Variants in DOT1L observed in about 807,000 individuals in gnomAD.
DOT1L encodes histone-lysine N-methyltransferase, H3 lysine-79 specific.
In DOT1L, 33 loss-of-function variants were observed where a neutral mutation model predicts 153.3. That is an observed-to-expected ratio of 0.22 (90% CI 0.16 to 0.29). DOT1L has a LOEUF of 0.29. Among genes scored for constraint, DOT1L ranks in the 10% least tolerant of loss-of-function variants. The pLI is 1.00. For missense variants in DOT1L, 1,847 were observed against 2,119.9 expected (o/e 0.87, Z 2.53); for synonymous variants, 1,135 against 965.1 (o/e 1.18, Z -3.26).
intron 20 of DOT1L, 62 bp from the exon 21 acceptor site, chr19:2,216,893 A>T (rs2023926426): frequency 1.3e-6 from 2 of 1,569,354 alleles, no homozygotes; most frequent in Non-Finnish European, 1.7e-6. Context: ...GTGCTGGGCC[A>T]GGCCGCTGCC....
chr19:2,201,301 GTA>G (rs2144787503), intron 8 of DOT1L, among the ~76,000 whole-genome samples: 1 of 146,686 alleles, frequency 6.8e-6, no homozygotes, highest in East Asian at 2.1e-4. Context: ...CATCCTCCCT[GTA>G]TTCCTCATTC....
intron 1 of DOT1L, among the ~76,000 whole-genome samples, chr19:2,180,147 C>T (rs1276626111): frequency 3.3e-5 from 5 of 152,158 alleles, no homozygotes; most frequent in Admixed American, 2.0e-4. Flanking sequence ...AGGCCGCCCA[C>T]GTGGGCTAGC....
rs1361063148 is a variant in DOT1L at position 2,185,924 on chromosome 19, C to T, written c.195C>T (p.Thr65=). ...MENYVLIDYD[T]KSFESMQRLC... ...ATTACGTTTTAATTGACTATGACAC[C>T]AAAAGGTAAGCAGAGTCCTGTCCAG... Residue 65 remains threonine, a synonymous_variant, in exon 3 of 28, where the codon ACC becomes ACT. Transcript: ENST00000398665. The T allele has an allele frequency of 6.2e-7, 1 of 1,614,022 alleles. No individual in the cohort carries two copies. Among genetic ancestry groups the T allele is most frequent in the Non-Finnish European group, 8.5e-7 (1 of 1,179,958 alleles).
At chr19:2,214,103 C>T in intron 18 of DOT1L, 117 bp downstream of exon 18, 2 of 1,447,882 alleles carry the variant, frequency 1.4e-6, no homozygotes, top group South Asian at 2.7e-5. Flanking sequence ...GGGGTTTGTT[C>T]CCAGACGAAT....
At chr19:2,211,901 C>T in intron 16 of DOT1L, 59 bp downstream of exon 16, 1 of 1,475,874 alleles carries the variant, frequency 6.8e-7, no homozygotes, top group Non-Finnish European at 9.1e-7. Flanking sequence ...CGTTCCTGTT[C>T]CTGGGCATCT....
At chr19:2,181,119 G>T (rs1459926502) in intron 2 of DOT1L, among the ~76,000 whole-genome samples, 1 of 152,188 alleles carries the variant, frequency 6.6e-6, no homozygotes, top group Non-Finnish European at 1.5e-5. Flanking sequence ...GAGCATTCTG[G>T]GGGTGACTTG....
At position 2,220,329 on chromosome 19, in the gene DOT1L, TG is replaced by T; in HGVS notation, c.2806+112del. The T allele has an allele frequency of 8.9e-7, 1 of 1,121,658 alleles. No homozygotes were observed. Among genetic ancestry groups the T allele is most frequent in the Non-Finnish European group, 1.3e-6 (1 of 766,724 alleles). The allele number at this position is 1,121,658 out of a possible 1,614,324, so 69.5% of individuals were successfully genotyped here. Reference sequence around the variant, plus strand: ...GGAACAGGGCTTCCTGGGGTGATCATGGGGGCTGCTGCCCCAAACCGCCACG... The same window carrying T: ...GGAACAGGGCTTCCTGGGGTGATCATGGGGCTGCTGCCCCAAACCGCCACG... On this transcript the variant is annotated intron_variant, in intron 23 of 27. Coordinates refer to ENST00000398665, the MANE Select transcript of DOT1L (RefSeq NM_032482.3). This position sits in a 1 kb window ranked among gnomAD's most constrained non-coding sequence, Gnocchi z 4.5.
chr19:2,178,377 A>C (rs1272461988), intron 1 of DOT1L, among the ~76,000 whole-genome samples: 9 of 150,538 alleles, frequency 6.0e-5, no homozygotes, highest in Non-Finnish European at 1.3e-4. Context: ...AGAAAAAAAA[A>C]AAAAACAAAA....
At chr19:2,173,989 G>T (rs1482868994) in intron 1 of DOT1L, among the ~76,000 whole-genome samples, 1 of 152,204 alleles carries the variant, frequency 6.6e-6, no homozygotes, top group Non-Finnish European at 1.5e-5. Flanking sequence ...GACAAACTCT[G>T]TCACCCGGGC....
chr19:2,214,147 CAGCA>C, intron 18 of DOT1L, 161 bp downstream of exon 18: 1 of 1,264,094 alleles, frequency 7.9e-7, no homozygotes, highest in Non-Finnish European at 1.1e-6. Context: ...GAGCGCGTCA[CAGCA>C]GGCAGGCCTG....
At position 2,220,045 on chromosome 19, in the gene DOT1L, A is replaced by C. The variant is rs1046541812; in HGVS notation, c.2692-63A>C. 1.4e-6 allele frequency: 2 copies of C among 1,471,674 alleles called. No homozygotes were observed. The highest frequency in any genetic ancestry group is 4.6e-5 in the East Asian group (2 of 43,702). 91.2% of individuals were successfully genotyped at this position (1,471,674 alleles called of 1,614,324 possible). On this transcript the variant is annotated intron_variant, in intron 22 of 27. Transcript: ENST00000398665. The surrounding 1 kb of genome is among the most constrained non-coding windows in gnomAD (Gnocchi z 4.5). ...GCAGGCCTCAACACTCACTGTTTCC[A>C]GCTGGGTTCTGGGTCTCCTGGGGCA...
At chr19:2,186,288 C>A (rs1191345021) in intron 3 of DOT1L, among the ~76,000 whole-genome samples, 1 of 152,190 alleles carries the variant, frequency 6.6e-6, no homozygotes, top group Non-Finnish European at 1.5e-5. Context: ...GGCTGCTTGG[C>A]AGCTCTGTTT....
Position 2,232,496 on chromosome 19 carries a change from G to A in DOT1L, c.*2704G>A, listed in dbSNP as rs2024649324. 1 of 221,856 alleles carries A rather than the reference G, an allele frequency of 4.5e-6. No individual in the cohort carries two copies. The highest frequency in any genetic ancestry group is 6.5e-5 in the East Asian group (1 of 15,346). 13.7% of individuals were successfully genotyped at this position (221,856 alleles called of 1,614,324 possible). On this transcript the variant is annotated 3_prime_UTR_variant, in exon 28 of 28. Coordinates refer to ENST00000398665, the MANE Select transcript of DOT1L (RefSeq NM_032482.3). ...CATTGTCACGGTCCGCCCCTGGGCT[G>A]CAGGCGCCCCTTCCTCTGGGCACCC...
At chr19:2,182,603 GCTGC>G (rs2022293776) in intron 2 of DOT1L, among the ~76,000 whole-genome samples, 1 of 152,132 alleles carries the variant, frequency 6.6e-6, no homozygotes, top group Admixed American at 6.6e-5. Context: ...TTCTGCCAGT[GCTGC>G]CCAGACGTGG....
intron 7 of DOT1L, among the ~76,000 whole-genome samples, chr19:2,196,842 C>T (rs571381435): frequency 2.9e-4 from 44 of 152,192 alleles, no homozygotes; most frequent in Non-Finnish European, 1.3e-4. Flanking sequence ...CCGCGGAGCA[C>T]GGTGTTAGCG....
At chr19:2,219,496 T>C (rs922134243) in intron 22 of DOT1L, among the ~76,000 whole-genome samples, 5 of 152,154 alleles carry the variant, frequency 3.3e-5, no homozygotes, top group African/African-American at 7.2e-5. Flanking sequence ...GAGTGTGCCA[T>C]CTTCATCCGT....
At chr19:2,219,942 G>A (rs2144889688) in intron 22 of DOT1L, among the ~76,000 whole-genome samples, 166 bp from the exon 23 acceptor site, 1 of 152,248 alleles carries the variant, frequency 6.6e-6, no homozygotes, top group South Asian at 2.1e-4. Flanking sequence ...ACTCGCCTGG[G>A]GCCCCGCTCA....
chr19:2,226,214 C>G lies in DOT1L; in HGVS notation c.3693C>G (p.Pro1231=). 1 of 1,527,150 alleles carries G rather than the reference C, an allele frequency of 6.5e-7. No homozygotes were observed. Among genetic ancestry groups the G allele is most frequent in the Non-Finnish European group, 8.8e-7 (1 of 1,135,064 alleles). The allele number at this position is 1,527,150 out of a possible 1,614,324, so 94.6% of individuals were successfully genotyped here. A position where few individuals can be genotyped will look rare whatever the true frequency, so the allele number is the denominator to read the frequency against. Residue 1231 remains proline (P), a synonymous_variant, in exon 27 of 28, where the codon CCC becomes CCG. Coordinates refer to ENST00000398665, the MANE Select transcript of DOT1L (RefSeq NM_032482.3). ...GGGLAGRKPA[P]AGEPVNSSKW... ...GCTTGGCGGGAAGGAAGCCCGCGCCCGCCGGCGAGCCAGTCAATAGCAGCA... is the reference window on the plus strand; with the variant it reads ...GCTTGGCGGGAAGGAAGCCCGCGCCGGCCGGCGAGCCAGTCAATAGCAGCA...
chr19:2,193,953 G>A lies in DOT1L; in HGVS notation c.588+170G>A, dbSNP rs1012493084. Among the ~76,000 whole-genome samples the A allele has an allele frequency of 4.6e-5, 7 of 152,134 alleles. No individual in the cohort carries two copies. The highest frequency in any genetic ancestry group is 3.9e-4 in the East Asian group (2 of 5,186). On this transcript the variant is annotated intron_variant, in intron 6 of 27. Coordinates refer to ENST00000398665, the MANE Select transcript of DOT1L (RefSeq NM_032482.3). The surrounding 1 kb of genome is among the most constrained non-coding windows in gnomAD (Gnocchi z 5.9). ...GCGTGTGCCTGTGAATAGGGTGCCC[G>A]ATCGCCCTCACGGCCCATTACAGGC...
Sources: allele counts gnomAD v4.1 joint callset (sites outside exome capture counted in the v4.1 genomes callset), GRCh38; gene constraint gnomAD v4.1.1; non-coding constraint Gnocchi (gnomAD v3.1); transcripts MANE v1.5; gene names NCBI Gene and HGNC (gene_info 2026-07-23, HGNC 2026-07-21).